IL1RAPL2: variants seen among roughly 807,000 people sequenced by gnomAD.
IL1RAPL2 encodes the protein X-linked interleukin-1 receptor accessory protein-like 2.
A neutral mutation model predicts 44.1 loss-of-function variants in IL1RAPL2; 3 were observed. The observed-to-expected ratio is 0.07, with a 90% CI of 0.03 to 0.18. The LOEUF is 0.18. Ranked by LOEUF, IL1RAPL2 falls within the 10% of genes least tolerant of loss-of-function variation. The pLI is 1.00. For synonymous variants in IL1RAPL2, 181 were observed against 178.8 expected (o/e 1.01, Z -0.10); for missense variants, 391 against 496.4 (o/e 0.79, Z 2.02).
intron 5 of IL1RAPL2, among the ~76,000 whole-genome samples, chrX:105,367,161 G>C (rs1012638819): frequency 9.0e-6 from 1 of 110,859 alleles, no homozygotes; most frequent in African/African-American, 3.3e-5. Flanking sequence ...GCTCCCCTTT[G>C]CTTTTTATTT....
intron 6 of IL1RAPL2, among the ~76,000 whole-genome samples, chrX:105,624,871 T>C (rs2037442914): frequency 8.9e-6 from 1 of 112,119 alleles, no homozygotes; most frequent in Non-Finnish European, 1.9e-5. Flanking sequence ...TCTAAAAAGA[T>C]GGTTGTGAGA....
At chrX:105,539,875 A>G (rs2036707259) in intron 6 of IL1RAPL2, among the ~76,000 whole-genome samples, 1 of 111,918 alleles carries the variant, frequency 8.9e-6, no homozygotes, top group African/African-American at 3.2e-5. Context: ...ATGAACAGAC[A>G]CTTCTCAAAA....
chrX:104,818,948 A>G (rs1921224232), intron 2 of IL1RAPL2, among the ~76,000 whole-genome samples: 1 of 112,176 alleles, frequency 8.9e-6, no homozygotes, highest in Non-Finnish European at 1.9e-5. Context: ...TAAGTGTTCA[A>G]TGAATAGTAT....
chrX:105,086,944 G>T (rs1342237660), intron 2 of IL1RAPL2, among the ~76,000 whole-genome samples: 1 of 110,303 alleles, frequency 9.1e-6, no homozygotes, highest in African/African-American at 3.3e-5. Flanking sequence ...GGGTACCAGT[G>T]TTTTACTAGA....
intron 1 of IL1RAPL2, among the ~76,000 whole-genome samples, chrX:104,627,926 A>G (rs1929548460): frequency 1.8e-5 from 2 of 111,890 alleles, no homozygotes; most frequent in African/African-American, 3.2e-5. Flanking sequence ...AAAAGAAAAA[A>G]AAATCTATCA....
chrX:104,828,831 G>A (rs1279565562), intron 2 of IL1RAPL2, among the ~76,000 whole-genome samples: 7 of 112,869 alleles, frequency 6.2e-5, no homozygotes, highest in African/African-American at 2.3e-4. Context: ...CCTGCCCAGA[G>A]AGGAGGAATC....
chrX:105,367,570 A>G (rs2035305030), intron 5 of IL1RAPL2, among the ~76,000 whole-genome samples: 1 of 111,880 alleles, frequency 8.9e-6, no homozygotes, highest in Non-Finnish European at 1.9e-5. Context: ...AAAACATGTT[A>G]TACTAATAAC....
intron 6 of IL1RAPL2, among the ~76,000 whole-genome samples, chrX:105,655,249 C>G (rs2037669563): frequency 8.9e-6 from 1 of 112,478 alleles, no homozygotes; most frequent in South Asian, 3.7e-4. Context: ...AAATCAGGAC[C>G]CAGGCACAAA....
intron 2 of IL1RAPL2, among the ~76,000 whole-genome samples, chrX:104,915,967 T>C (rs1924413591): frequency 8.9e-6 from 1 of 112,220 alleles, no homozygotes; most frequent in Non-Finnish European, 1.9e-5. Flanking sequence ...TTTTGGTTAC[T>C]GTAGCCTTGT....
At chrX:104,909,851 C>T (rs1052439310) in intron 2 of IL1RAPL2, among the ~76,000 whole-genome samples, 5 of 112,664 alleles carry the variant, frequency 4.4e-5, no homozygotes, top group Non-Finnish European at 9.4e-5. Context: ...GGCAGGCAGG[C>T]AGGCCTCCTT....
intron 6 of IL1RAPL2, among the ~76,000 whole-genome samples, chrX:105,539,624 T>A (rs1257565052): frequency 1.8e-5 from 2 of 111,693 alleles, no homozygotes; most frequent in Admixed American, 1.9e-4. Context: ...GCAAAGATTT[T>A]ATGACAAAGG....
At chrX:105,343,584 A>T (rs939526999) in intron 5 of IL1RAPL2, among the ~76,000 whole-genome samples, 1 of 112,119 alleles carries the variant, frequency 8.9e-6, no homozygotes, top group African/African-American at 3.2e-5. Flanking sequence ...TTCCAACTTG[A>T]ACCATAGTAA....
intron 2 of IL1RAPL2, among the ~76,000 whole-genome samples, chrX:104,871,940 A>C (rs1249394390): frequency 8.9e-6 from 1 of 111,855 alleles, no homozygotes. Flanking sequence ...TACTATCCAC[A>C]GTGCCTAGCA....
At chrX:105,396,984 C>T (rs2035568124) in intron 5 of IL1RAPL2, among the ~76,000 whole-genome samples, 2 of 110,375 alleles carry the variant, frequency 1.8e-5, no homozygotes, top group Non-Finnish European at 3.8e-5. Context: ...TGAACTCTGC[C>T]TCCTGTCAGA....
intron 5 of IL1RAPL2, among the ~76,000 whole-genome samples, chrX:105,315,336 G>A (rs938299610): frequency 9.3e-6 from 1 of 107,310 alleles, no homozygotes; most frequent in Non-Finnish European, 1.9e-5. Flanking sequence ...TGAAGAGACA[G>A]TCCTTCAAAT....
chrX:104,761,370 G>C (rs1234399909), intron 2 of IL1RAPL2, among the ~76,000 whole-genome samples: 1 of 110,687 alleles, frequency 9.0e-6, no homozygotes, highest in Non-Finnish European at 1.9e-5. Flanking sequence ...ACAGCAGCAT[G>C]GGGGTAACAG....
chrX:104,810,575 C>A (rs865970927), intron 2 of IL1RAPL2, among the ~76,000 whole-genome samples: 2 of 110,992 alleles, frequency 1.8e-5, no homozygotes, highest in African/African-American at 3.3e-5. Context: ...TCAGCTTGAA[C>A]ATGATATGGA....
intron 5 of IL1RAPL2, among the ~76,000 whole-genome samples, chrX:105,418,093 A>G (rs2035747109): frequency 9.0e-6 from 1 of 110,985 alleles, no homozygotes; most frequent in African/African-American, 3.3e-5. Context: ...AATCATAATT[A>G]CTTATCATTT....
chrX:104,963,921 G>T (rs1914256269), intron 2 of IL1RAPL2, among the ~76,000 whole-genome samples: 1 of 83,467 alleles, frequency 1.2e-5, no homozygotes, highest in Non-Finnish European at 2.4e-5. Flanking sequence ...GGATGTGCGT[G>T]TGTGTGTGTG....
Sources: allele counts gnomAD v4.1 joint callset (sites outside exome capture counted in the v4.1 genomes callset), GRCh38; gene constraint gnomAD v4.1.1; transcripts MANE v1.5; gene names NCBI Gene and HGNC (gene_info 2026-07-23, HGNC 2026-07-21).